Variants in CNTN4 observed in about 807,000 individuals in gnomAD.
The protein encoded by CNTN4 is contactin-4.
In CNTN4, 77 loss-of-function variants were observed where a neutral mutation model predicts 122.5. That is an observed-to-expected ratio of 0.63 (90% CI 0.52 to 0.76). The LOEUF is 0.76. Ranked by LOEUF, CNTN4 falls within the 30% of genes least tolerant of loss-of-function variation. CNTN4 has a pLI of 0.00. For synonymous variants in CNTN4, 512 were observed against 447.0 expected (o/e 1.15, Z -1.83); for missense variants, 1,256 against 1,259.1 (o/e 1.00, Z 0.04).
chr3:2,973,130 A>C (rs1693091862), intron 13 of CNTN4, among the ~76,000 whole-genome samples: 1 of 152,072 alleles, frequency 6.6e-6, no homozygotes, highest in Non-Finnish European at 1.5e-5. Flanking sequence ...CTCTTCGTTG[A>C]AATGAAATCG....
At chr3:2,700,757 C>T (rs2086310812) in intron 4 of CNTN4, among the ~76,000 whole-genome samples, 1 of 152,028 alleles carries the variant, frequency 6.6e-6, no homozygotes, top group Non-Finnish European at 1.5e-5. Context: ...TCAATTAAAC[C>T]TTCCCTCAAA....
chr3:2,678,152 A>C (rs1029827429), intron 4 of CNTN4, among the ~76,000 whole-genome samples: 5 of 152,152 alleles, frequency 3.3e-5, no homozygotes, highest in African/African-American at 1.2e-4. Context: ...TATACTTAAT[A>C]CCACTCTTAT....
chr3:3,048,893 A>G (rs1241626925), intron 23 of CNTN4, among the ~76,000 whole-genome samples: 1 of 152,150 alleles, frequency 6.6e-6, no homozygotes, highest in Non-Finnish European at 1.5e-5. Context: ...GGCCCCAAAT[A>G]TTTTGTCAAC....
chr3:2,244,166 T>G (rs1252109029), intron 2 of CNTN4, among the ~76,000 whole-genome samples: 1 of 151,976 alleles, frequency 6.6e-6, no homozygotes, highest in Non-Finnish European at 1.5e-5. Context: ...CAGTAAGAAA[T>G]TAATAACTAT....
In CNTN4 at chr3:2,653,060, C is replaced by G. The variant is rs1030321699; in HGVS notation, c.55+81502C>G. Among the ~76,000 whole-genome samples, 52 of 152,004 alleles carry G rather than the reference C, an allele frequency of 3.4e-4. 1 individual carries two copies. The highest frequency in any genetic ancestry group is 1.2e-3 in the African/African-American group (50 of 41,394). ...TTTTTTGGTCAAAAATGAATTGTGA[C>G]TATAAATTAATGAAGCTAATTTTTT... is the stretch of plus-strand genomic sequence containing the variant. On this transcript the variant is annotated intron_variant, in intron 4 of 24. Coordinates refer to ENST00000418658, the MANE Select transcript of CNTN4 (RefSeq NM_175607.3).
intron 2 of CNTN4, among the ~76,000 whole-genome samples, chr3:2,167,668 C>T (rs1379468985): frequency 6.6e-6 from 1 of 152,122 alleles, no homozygotes; most frequent in Non-Finnish European, 1.5e-5. Context: ...AGCTTTTTAC[C>T]TTGTCATTTA....
At chr3:2,317,400 A>C (rs968551945) in intron 2 of CNTN4, among the ~76,000 whole-genome samples, 11 of 152,138 alleles carry the variant, frequency 7.2e-5, no homozygotes, top group African/African-American at 2.4e-4. Context: ...TAACCAAAAC[A>C]CTCAGAAAAA....
chr3:2,416,844 C>T (rs1368974766), intron 3 of CNTN4, among the ~76,000 whole-genome samples: 2 of 151,960 alleles, frequency 1.3e-5, no homozygotes, highest in East Asian at 3.9e-4. Flanking sequence ...TTAGTAGAGA[C>T]GGGGTTTCAC....
At chr3:2,537,548 T>C (rs1401574556) in intron 3 of CNTN4, among the ~76,000 whole-genome samples, 1 of 152,114 alleles carries the variant, frequency 6.6e-6, no homozygotes, top group Non-Finnish European at 1.5e-5. Flanking sequence ...TGATGAAAAC[T>C]GTCCACTGTT....
At chr3:2,103,720 TTA>T (rs1341633091) in intron 2 of CNTN4, among the ~76,000 whole-genome samples, 2 of 151,524 alleles carry the variant, frequency 1.3e-5, no homozygotes, top group South Asian at 2.1e-4. Context: ...TATTTTTTAT[TTA>T]TCTATTTATT....
intron 2 of CNTN4, among the ~76,000 whole-genome samples, chr3:2,143,545 T>G (rs1026815119): frequency 6.6e-6 from 1 of 152,206 alleles, no homozygotes. Flanking sequence ...ACCAGCAGAT[T>G]GTAATTTTGA....
At chr3:2,742,317 T>A (rs1559453788) in intron 5 of CNTN4, among the ~76,000 whole-genome samples, 1 of 152,202 alleles carries the variant, frequency 6.6e-6, no homozygotes, top group Non-Finnish European at 1.5e-5. Context: ...CAGAAAAATT[T>A]AAGAAGTTTT....
intron 2 of CNTN4, among the ~76,000 whole-genome samples, chr3:2,211,835 A>G (rs1311298746): frequency 6.6e-6 from 1 of 152,246 alleles, no homozygotes; most frequent in East Asian, 1.9e-4. Context: ...AGACTTATGG[A>G]TAGGCTAAGG....
intron 6 of CNTN4, among the ~76,000 whole-genome samples, chr3:2,783,786 T>A (rs910959006): frequency 6.6e-6 from 1 of 152,214 alleles, no homozygotes; most frequent in African/African-American, 2.4e-5. Context: ...TTTTGAAATA[T>A]CATTTGATCA....
At chr3:2,428,533 A>G (rs899548076) in intron 3 of CNTN4, among the ~76,000 whole-genome samples, 1 of 152,166 alleles carries the variant, frequency 6.6e-6, no homozygotes, top group African/African-American at 2.4e-5. Flanking sequence ...ACTTTGGTGA[A>G]TCTGACAATT....
chr3:2,381,499 CTT>C (rs2046020819), intron 3 of CNTN4, among the ~76,000 whole-genome samples: 1 of 152,118 alleles, frequency 6.6e-6, no homozygotes, highest in Non-Finnish European at 1.5e-5. Flanking sequence ...AACTTAAACT[CTT>C]TGAACTATAG....
chr3:2,332,907 CTT>C (rs1232005252), intron 2 of CNTN4, among the ~76,000 whole-genome samples: 1 of 152,038 alleles, frequency 6.6e-6, no homozygotes, highest in African/African-American at 2.4e-5. Context: ...AAAAATAAGA[CTT>C]TTTCCTATCC....
At chr3:2,523,296 A>G (rs1239522632) in intron 3 of CNTN4, among the ~76,000 whole-genome samples, 1 of 150,742 alleles carries the variant, frequency 6.6e-6, no homozygotes, top group East Asian at 2.0e-4. Context: ...ATTTCCCCTT[A>G]GTAACATTGC....
chr3:2,972,647 C>T (rs1693039499), intron 13 of CNTN4, among the ~76,000 whole-genome samples: 3 of 152,058 alleles, frequency 2.0e-5, no homozygotes, highest in Admixed American at 1.3e-4. Context: ...AATAGTTATA[C>T]AAAAGCCCCA....
Sources: gnomAD v4.1 joint callset for allele counts (sites outside exome capture counted in the v4.1 genomes callset) on GRCh38, gnomAD v4.1.1 for gene constraint, MANE v1.5 for transcripts, NCBI Gene and HGNC (gene_info 2026-07-23, HGNC 2026-07-21) for gene names.